The following FBXL17 variants were observed in gnomAD, a reference collection of about 807,000 sequenced individuals.
The protein encoded by FBXL17 is F-box and leucine rich repeat protein 17.
FBXL17 carries 22 observed loss-of-function variants against 66.2 expected under a neutral mutation model. That is an observed-to-expected ratio of 0.33 (90% CI 0.24 to 0.47). The LOEUF (loss-of-function observed/expected upper bound fraction) is 0.47. FBXL17 is among the 20% of genes least tolerant of loss of function. FBXL17 has a pLI of 1.00. For synonymous variants in FBXL17, 474 were observed against 400.5 expected (o/e 1.18, Z -2.19); for missense variants, 878 against 948.2 (o/e 0.93, Z 0.97).
At chr5:107,996,104 T>C (rs557727683) in intron 7 of FBXL17, among the ~76,000 whole-genome samples, 1 of 152,216 alleles carries the variant, frequency 6.6e-6, no homozygotes, top group Non-Finnish European at 1.5e-5. Flanking sequence ...TCAAAAAACA[T>C]GACAAATGTC....
chr5:108,117,629 T>C lies in FBXL17; in HGVS notation c.1745+68488A>G, dbSNP rs963082715. On this transcript the variant is annotated intron_variant, in intron 6 of 8. Transcript: ENST00000542267. ...ACTATGAAGATGACATTAATTTCTCTAATCAAAAGATGAGTATTTTTCAAA... is the reference window on the plus strand; with the variant it reads ...ACTATGAAGATGACATTAATTTCTCCAATCAAAAGATGAGTATTTTTCAAA... 1.1e-4 allele frequency among the ~76,000 whole-genome samples: 16 copies of C among 152,290 alleles called. 1 individual carries two copies. Among genetic ancestry groups the C allele is most frequent in the Admixed American group, 9.8e-4 (15 of 15,290 alleles).
chr5:108,249,593 T>A (rs1015640384), intron 4 of FBXL17, among the ~76,000 whole-genome samples: 1 of 152,126 alleles, frequency 6.6e-6, no homozygotes, highest in African/African-American at 2.4e-5. Flanking sequence ...CATACACTTG[T>A]ATAAGAGTAC....
chr5:107,963,661 A>G lies in FBXL17; in HGVS notation c.1822+57264T>C, dbSNP rs964521041. On this transcript the variant is annotated intron_variant, in intron 7 of 8. Coordinates refer to ENST00000542267, the MANE Select transcript of FBXL17 (RefSeq NM_001163315.3). The stretch of plus-strand genomic sequence containing the variant: ...TAGTGATAAAGTATGTAAAATACTT[A>G]ATAGTATAAATTTCATACACAGTAG... 3.8e-4 allele frequency among the ~76,000 whole-genome samples: 58 copies of G among 152,284 alleles called. 1 individual carries two copies. The highest frequency in any genetic ancestry group is 1.3e-4 in the Non-Finnish European group (9 of 68,010).
chr5:108,161,935 T>A (rs1752233689), intron 6 of FBXL17, among the ~76,000 whole-genome samples: 1 of 152,182 alleles, frequency 6.6e-6, no homozygotes, highest in Non-Finnish European at 1.5e-5. Flanking sequence ...TGTCCACGTA[T>A]GCAAATTGGA....
At chr5:108,126,684 TAC>T (rs3040021) in intron 6 of FBXL17, among the ~76,000 whole-genome samples, 1 of 135,546 alleles carries the variant, frequency 7.4e-6, no homozygotes, top group Admixed American at 7.7e-5. Context: ...TATATATATA[TAC>T]ACACATACAT....
chr5:108,247,328 GA>G (rs949393361), intron 4 of FBXL17, among the ~76,000 whole-genome samples: 77 of 147,288 alleles, frequency 5.2e-4, no homozygotes, highest in South Asian at 2.1e-3. Flanking sequence ...CCATTGTAAA[GA>G]AAAAAAAAAT....
intron 7 of FBXL17, among the ~76,000 whole-genome samples, chr5:107,938,687 T>A (rs1180462693): frequency 6.6e-6 from 1 of 152,134 alleles, no homozygotes; most frequent in African/African-American, 2.4e-5. Flanking sequence ...GATATATTAG[T>A]ATACTCTCCA....
chr5:108,295,639 C>T (rs1253435248), intron 4 of FBXL17, among the ~76,000 whole-genome samples: 1 of 151,910 alleles, frequency 6.6e-6, no homozygotes, highest in Non-Finnish European at 1.5e-5. Context: ...TCACAACTAT[C>T]AACACACACA....
chr5:108,077,662 CA>C (rs5870293), intron 6 of FBXL17, among the ~76,000 whole-genome samples: 66,623 of 133,820 alleles, frequency 0.5, 15,337 homozygotes, highest in Admixed American at 0.6. Context: ...GATCCTATCT[CA>C]AAAAAAAAAA....
chr5:108,144,645 ATATTT>A (rs1400895652), intron 6 of FBXL17, among the ~76,000 whole-genome samples: 1 of 152,178 alleles, frequency 6.6e-6, no homozygotes, highest in African/African-American at 2.4e-5. Flanking sequence ...TCTACTGTCG[ATATTT>A]TAAACTATTT....
intron 7 of FBXL17, among the ~76,000 whole-genome samples, chr5:107,926,612 C>T (rs1182881643): frequency 1.3e-5 from 2 of 151,226 alleles, no homozygotes; most frequent in African/African-American, 4.9e-5. Flanking sequence ...GTAGCTGGTT[C>T]TCAGGTCAAA....
At chr5:108,060,424 T>A (rs1295911892) in intron 6 of FBXL17, among the ~76,000 whole-genome samples, 1 of 152,154 alleles carries the variant, frequency 6.6e-6, no homozygotes, top group Admixed American at 6.6e-5. Flanking sequence ...CAACCAGCCA[T>A]CTCAAATTAG....
intron 4 of FBXL17, among the ~76,000 whole-genome samples, chr5:108,229,294 C>T (rs553828171): frequency 6.6e-6 from 1 of 152,206 alleles, no homozygotes; most frequent in South Asian, 2.1e-4. Flanking sequence ...AATCTGGGGG[C>T]ATCACATTAC....
chr5:108,279,268 A>C (rs1433744783), intron 4 of FBXL17, among the ~76,000 whole-genome samples: 14 of 152,126 alleles, frequency 9.2e-5, no homozygotes. Context: ...TCACTAACAC[A>C]GTTGCCAGTG....
At chr5:108,201,674 C>T (rs1420402871) in intron 5 of FBXL17, among the ~76,000 whole-genome samples, 1 of 151,732 alleles carries the variant, frequency 6.6e-6, no homozygotes, top group Non-Finnish European at 1.5e-5. Context: ...AATTTATTCT[C>T]ATTAAGCTCC....
intron 4 of FBXL17, among the ~76,000 whole-genome samples, chr5:108,286,616 C>G (rs1757910857): frequency 6.6e-6 from 1 of 151,840 alleles, no homozygotes; most frequent in East Asian, 1.9e-4. Flanking sequence ...GTAAGAATTA[C>G]AAAACACTGC....
At position 108,348,631 on chromosome 5, in the gene FBXL17, T is replaced by C. The variant is rs980819489; in HGVS notation, c.1375-101A>G. 4.7e-5 allele frequency: 54 copies of C among 1,140,962 alleles called. 1 individual carries two copies. The Admixed American group carries it at 9.4e-4, about 20-fold the overall frequency. 70.7% of individuals were successfully genotyped at this position (1,140,962 alleles called of 1,614,324 possible). On this transcript the variant is annotated intron_variant, in intron 3 of 8. Coordinates refer to ENST00000542267, the MANE Select transcript of FBXL17 (RefSeq NM_001163315.3). ...TTTTTTGAAAATAACCACGTCAGAGTTAAATATTTATGTTACTTGTAAAAT... is the reference window on the plus strand; with the variant it reads ...TTTTTTGAAAATAACCACGTCAGAGCTAAATATTTATGTTACTTGTAAAAT...
chr5:108,009,986 C>G (rs1321575715), intron 7 of FBXL17, among the ~76,000 whole-genome samples: 1 of 152,136 alleles, frequency 6.6e-6, no homozygotes, highest in African/African-American at 2.4e-5. Flanking sequence ...TTTCTACCCT[C>G]TAGCAGGTCA....
chr5:108,179,337 G>C (rs1752912599), intron 6 of FBXL17, among the ~76,000 whole-genome samples: 1 of 152,068 alleles, frequency 6.6e-6, no homozygotes, highest in African/African-American at 2.4e-5. Context: ...AGTTTTACAT[G>C]AGCCAAGGTG....
Sources: allele counts gnomAD v4.1 joint callset (sites outside exome capture counted in the v4.1 genomes callset), GRCh38; gene constraint gnomAD v4.1.1; transcripts MANE v1.5; gene names NCBI Gene and HGNC (gene_info 2026-07-23, HGNC 2026-07-21).